Variants in GIPC2 observed in about 807,000 individuals in gnomAD.
The protein encoded by GIPC2 is PDZ domain-containing protein GIPC2.
GIPC2 carries 30 observed loss-of-function variants against 30.6 expected under a neutral mutation model. The ratio of observed to expected loss-of-function variants is 0.98; its 90% CI spans 0.73 to 1.33. The LOEUF is 1.33. GIPC2 is among the 40% of genes most tolerant of loss of function. GIPC2 has a pLI of 0.00. For missense variants in GIPC2, 414 were observed against 390.3 expected (o/e 1.06, Z -0.51); for synonymous variants, 167 against 150.0 (o/e 1.11, Z -0.83).
At chr1:78,049,772 G>A (rs1661160992) in intron 1 of GIPC2, among the ~76,000 whole-genome samples, 1 of 152,150 alleles carries the variant, frequency 6.6e-6, no homozygotes, top group Non-Finnish European at 1.5e-5. Flanking sequence ...AAGTTAAATA[G>A]GCTGGTATGT....
intron 1 of GIPC2, among the ~76,000 whole-genome samples, chr1:78,054,989 C>T (rs994604843): frequency 7.9e-5 from 12 of 152,190 alleles, no homozygotes; most frequent in Non-Finnish European, 1.6e-4. Flanking sequence ...AAGGCTCTTG[C>T]AGGTTATCTT....
chr1:78,091,403 T>G (rs1571501311), intron 2 of GIPC2: 1 of 535,026 alleles, frequency 1.9e-6, no homozygotes, highest in Admixed American at 3.2e-5. Context: ...TTAGGGAGAG[T>G]GGAGCCGATA....
chr1:78,068,929 T>C (rs1465813557), intron 1 of GIPC2: 1 of 204,256 alleles, frequency 4.9e-6, no homozygotes, highest in Non-Finnish European at 8.6e-6. Flanking sequence ...GAGGATGGAG[T>C]CCTGTGGTAG....
chr1:78,106,313 A>T (rs925722143), intron 3 of GIPC2, among the ~76,000 whole-genome samples: 22 of 151,476 alleles, frequency 1.5e-4, no homozygotes, highest in African/African-American at 3.9e-4. Context: ...TAATCCCAGC[A>T]CTTTGGGAGG....
rs61463492 is a variant in GIPC2 at position 78,132,665 on chromosome 1, ATGTGTGTGTGTG to A, written c.797-2905_797-2894del. 3.2e-3 allele frequency among the ~76,000 whole-genome samples: 452 copies of A among 142,716 alleles called. 7 individuals are homozygous for A. The highest frequency in any genetic ancestry group is 0.028 in the Admixed American group (402 of 14,290). 93.6% of individuals were successfully genotyped at this position (142,716 alleles called of 152,430 possible). On this transcript the variant is annotated intron_variant, in intron 5 of 5. Transcript: ENST00000370759. Reference sequence around the variant, plus strand: ...TTCTTTTTCCCTCTTATAGCCAAGGATGTGTGTGTGTGTGTGTGTGTGTGTGTGTGTGTAGAG... The same window carrying A: ...TTCTTTTTCCCTCTTATAGCCAAGGATGTGTGTGTGTGTGTGTGTGTAGAG...
intron 4 of GIPC2, among the ~76,000 whole-genome samples, chr1:78,123,286 G>GAGGT (rs1450508277): frequency 2.8e-5 from 4 of 144,988 alleles, no homozygotes; most frequent in Non-Finnish European, 4.5e-5. Context: ...AAAGGGTCAG[G>GAGGT]AAGTGTTTCT....
chr1:78,085,869 A>C (rs1159414684), intron 2 of GIPC2, among the ~76,000 whole-genome samples: 1 of 147,318 alleles, frequency 6.8e-6, no homozygotes. Context: ...TCATAAAACC[A>C]ACTCCTGGAT....
In GIPC2 at chr1:78,051,403, C is replaced by T. The variant is rs1661195696; in HGVS notation, c.240+5069C>T. ...GTGTGATATTAGATACCAAATAGTT[C>T]ATTGAATAATAAATGAGTAATTCAG... On this transcript the variant is annotated intron_variant, in intron 1 of 5. Coordinates refer to ENST00000370759, the MANE Select transcript of GIPC2 (RefSeq NM_017655.6). 5.3e-5 allele frequency among the ~76,000 whole-genome samples: 8 copies of T among 152,166 alleles called. No homozygotes were observed. In the South Asian group the frequency reaches 1.7e-3, roughly 32 times the overall value.
chr1:78,135,212 A>G (rs74434223), intron 5 of GIPC2, among the ~76,000 whole-genome samples: 4,958 of 152,102 alleles, frequency 0.033, 168 homozygotes, highest in African/African-American at 0.079. Context: ...AGTAGTGACT[A>G]TTAGGAGGTT....
chr1:78,090,200 T>A (rs891428369), intron 2 of GIPC2, among the ~76,000 whole-genome samples: 1 of 152,146 alleles, frequency 6.6e-6, no homozygotes, highest in Non-Finnish European at 1.5e-5. Context: ...ATTTACTTAC[T>A]TACTTATTTA....
intron 5 of GIPC2, among the ~76,000 whole-genome samples, chr1:78,132,560 A>G (rs1662918947): frequency 6.6e-6 from 1 of 152,098 alleles, no homozygotes; most frequent in Admixed American, 6.6e-5. Context: ...AATCTACAAC[A>G]TGGAGTTCCC....
intron 3 of GIPC2, among the ~76,000 whole-genome samples, chr1:78,095,646 C>T (rs1321472812): frequency 6.6e-6 from 1 of 152,162 alleles, no homozygotes; most frequent in African/African-American, 2.4e-5. Flanking sequence ...ATTATTTCCA[C>T]TTTGGGGTGA....
rs146642009 is a variant in GIPC2 at position 78,115,662 on chromosome 1, A to G, written c.608-3731A>G. On this transcript the variant is annotated intron_variant, in intron 3 of 5. Transcript: ENST00000370759. ...AGGACATACTATAACTGGCAAGGCCAATACTGTAGGCTTGCTGATACAGCT... is the reference window on the plus strand; with the variant it reads ...AGGACATACTATAACTGGCAAGGCCGATACTGTAGGCTTGCTGATACAGCT... Among the ~76,000 whole-genome samples the G allele has an allele frequency of 1.1e-4, 17 of 152,344 alleles. No homozygotes were observed. In the East Asian group the frequency reaches 2.9e-3, roughly 26 times the overall value.
chr1:78,062,750 G>T (rs939557089), intron 1 of GIPC2, among the ~76,000 whole-genome samples: 4 of 151,902 alleles, frequency 2.6e-5, no homozygotes, highest in African/African-American at 9.7e-5. Context: ...CTGAGCTCAG[G>T]TGGTCCACCC....
chr1:78,109,078 A>C (rs186675897), intron 3 of GIPC2, among the ~76,000 whole-genome samples: 2 of 152,290 alleles, frequency 1.3e-5, no homozygotes, highest in Admixed American at 1.3e-4. Flanking sequence ...AGGTATCATC[A>C]TATTAAGGTT....
chr1:78,107,824 C>CAAAAAAAAAAAAAAAA (rs35134592), intron 3 of GIPC2, among the ~76,000 whole-genome samples: 1 of 28,744 alleles, frequency 3.5e-5, no homozygotes, highest in Non-Finnish European at 6.0e-5. Flanking sequence ...AACTCTGTCT[C>CAAAAAAAAAAAAAAAA]AAAAAAAAAA....
chr1:78,096,480 T>A (rs1433948748), intron 3 of GIPC2, among the ~76,000 whole-genome samples: 2 of 151,386 alleles, frequency 1.3e-5, no homozygotes, highest in African/African-American at 4.9e-5. Flanking sequence ...GTTTCCAGAG[T>A]AAATTTTTCT....
chr1:78,126,076 TG>T (rs2100441355), intron 5 of GIPC2, 114 bp downstream of exon 5: 1 of 584,992 alleles, frequency 1.7e-6, no homozygotes, highest in African/African-American at 1.9e-5. Flanking sequence ...TGTGGTATGA[TG>T]AAAAGAATAA....
At chr1:78,064,894 C>T (rs1228215813) in intron 1 of GIPC2, among the ~76,000 whole-genome samples, 1 of 152,020 alleles carries the variant, frequency 6.6e-6, no homozygotes, top group East Asian at 1.9e-4. Context: ...CAGGCACATG[C>T]CAGTACCCTT....
Sources: gnomAD v4.1 joint callset for allele counts (sites outside exome capture counted in the v4.1 genomes callset) on GRCh38, gnomAD v4.1.1 for gene constraint, MANE v1.5 for transcripts, NCBI Gene and HGNC (gene_info 2026-07-23, HGNC 2026-07-21) for gene names.